The following GRM8 variants were observed in gnomAD, a reference collection of about 807,000 sequenced individuals.
GRM8 encodes the protein glutamate metabotropic receptor 8, also known as metabotropic glutamate receptor 8.
Under a neutral mutation model 87.2 loss-of-function variants are expected in GRM8, and 47 were observed. The observed-to-expected ratio is 0.54, with a 90% CI of 0.43 to 0.69. GRM8 has a LOEUF of 0.69. Ranked by LOEUF, GRM8 falls within the 30% of genes least tolerant of loss-of-function variation. The probability of loss-of-function intolerance (pLI) is 0.00; values close to 1 mark genes in which losing one functional copy is unlikely to be tolerated. For missense variants in GRM8, 1,019 were observed against 1,139.2 expected, an observed-to-expected ratio of 0.89 and a Z score of 1.52; for synonymous variants, 396 against 404.5, an observed-to-expected ratio of 0.98 and a Z score of 0.25.
intron 3 of GRM8, among the ~76,000 whole-genome samples, chr7:126,987,454 T>TG (rs1554556376): frequency 6.6e-6 from 1 of 151,748 alleles, no homozygotes; most frequent in African/African-American, 2.4e-5. Context: ...AGTTTTTTTT[T>TG]TTGTTTTTTG....
chr7:126,823,243 G>A (rs1224247019), intron 6 of GRM8, among the ~76,000 whole-genome samples: 10 of 152,154 alleles, frequency 6.6e-5, no homozygotes, highest in South Asian at 2.1e-4. Context: ...ACATATAGCC[G>A]TAGCTGTTTT....
At chr7:127,024,998 C>A (rs2299525) in intron 3 of GRM8, among the ~76,000 whole-genome samples, 1 of 151,746 alleles carries the variant, frequency 6.6e-6, no homozygotes, top group Non-Finnish European at 1.5e-5. Flanking sequence ...TCTCTGCTTA[C>A]GAGGACATAA....
chr7:127,123,320 G>A (rs769964160), intron 2 of GRM8, among the ~76,000 whole-genome samples: 5 of 152,158 alleles, frequency 3.3e-5, no homozygotes, highest in African/African-American at 7.2e-5. Context: ...TGTTGGAGGT[G>A]GGGCATAATG....
chr7:126,745,496 C>T (rs1283996523), intron 7 of GRM8, among the ~76,000 whole-genome samples: 3 of 150,742 alleles, frequency 2.0e-5, no homozygotes, highest in Admixed American at 6.6e-5. Context: ...AATATCTTCA[C>T]TTGAATATTC....
intron 2 of GRM8, among the ~76,000 whole-genome samples, chr7:127,198,287 G>A (rs1795398282): frequency 6.6e-6 from 1 of 151,966 alleles, no homozygotes; most frequent in Non-Finnish European, 1.5e-5. Flanking sequence ...TTGAATACTA[G>A]GCACAGATCA....
At chr7:127,133,830 G>C (rs1243547253) in intron 2 of GRM8, among the ~76,000 whole-genome samples, 1 of 151,556 alleles carries the variant, frequency 6.6e-6, no homozygotes, top group Admixed American at 6.6e-5. Flanking sequence ...TGACAAAGTA[G>C]TCAAAAAGTG....
At chr7:126,586,312 A>C (rs1796118258) in intron 8 of GRM8, among the ~76,000 whole-genome samples, 1 of 152,248 alleles carries the variant, frequency 6.6e-6, no homozygotes, top group African/African-American at 2.4e-5. Context: ...GACTTTCTTC[A>C]CAGAATTGGA....
chr7:126,726,496 G>T (rs1812994153), intron 7 of GRM8, among the ~76,000 whole-genome samples: 1 of 152,056 alleles, frequency 6.6e-6, no homozygotes, highest in Non-Finnish European at 1.5e-5. Flanking sequence ...CTTCTCCCAG[G>T]CAAGGTGGTC....
intron 8 of GRM8, among the ~76,000 whole-genome samples, chr7:126,569,916 T>C (rs1166853115): frequency 6.6e-6 from 1 of 152,148 alleles, no homozygotes; most frequent in Non-Finnish European, 1.5e-5. Flanking sequence ...TCCTTAAAAA[T>C]GCTTGGAGTT....
intron 3 of GRM8, among the ~76,000 whole-genome samples, chr7:126,971,523 T>C (rs1487443194): frequency 6.6e-6 from 1 of 152,158 alleles, no homozygotes; most frequent in Non-Finnish European, 1.5e-5. Context: ...ACTCCAGATT[T>C]CACAATCACT....
intron 7 of GRM8, among the ~76,000 whole-genome samples, chr7:126,648,316 T>A (rs927456339): frequency 6.6e-6 from 1 of 152,192 alleles, no homozygotes; most frequent in Non-Finnish European, 1.5e-5. Context: ...ATCTGTCTGA[T>A]TTTCATTAAA....
chr7:126,562,875 C>T (rs1361307659), intron 8 of GRM8, among the ~76,000 whole-genome samples: 2 of 152,136 alleles, frequency 1.3e-5, no homozygotes, highest in Non-Finnish European at 2.9e-5. Flanking sequence ...CCAGCCTGGG[C>T]AACAAGAGCA....
intron 3 of GRM8, chr7:127,057,979 C>A: frequency 3.9e-6 from 1 of 255,136 alleles, no homozygotes; most frequent in Non-Finnish European, 8.0e-6. Context: ...ATTTTCTAAC[C>A]TGTAATTTAT....
chr7:126,625,520 A>G (rs1800585923), intron 7 of GRM8, among the ~76,000 whole-genome samples: 1 of 133,618 alleles, frequency 7.5e-6, no homozygotes, highest in Non-Finnish European at 1.7e-5. Context: ...CAAAAAACTG[A>G]GATAACAGTA....
At chr7:127,220,214 T>C (rs1796831753) in intron 2 of GRM8, among the ~76,000 whole-genome samples, 1 of 152,166 alleles carries the variant, frequency 6.6e-6, no homozygotes, top group African/African-American at 2.4e-5. Flanking sequence ...TTATCTTTTC[T>C]CACTAGCCCC....
chr7:126,934,018 G>C (rs902493166), intron 3 of GRM8, among the ~76,000 whole-genome samples: 1 of 152,108 alleles, frequency 6.6e-6, no homozygotes, highest in African/African-American at 2.4e-5. Context: ...GTAAGACATT[G>C]TTCCTTTTGT....
At chr7:126,705,565 C>T (rs1810409922) in intron 7 of GRM8, among the ~76,000 whole-genome samples, 1 of 151,790 alleles carries the variant, frequency 6.6e-6, no homozygotes, top group Non-Finnish European at 1.5e-5. Context: ...TGTGCACAGG[C>T]CTAAACAAAT....
At chr7:127,102,158 C>T (rs565240204) in intron 3 of GRM8, among the ~76,000 whole-genome samples, 1 of 152,220 alleles carries the variant, frequency 6.6e-6, no homozygotes, top group Non-Finnish European at 1.5e-5. Flanking sequence ...GGCCTGGCTG[C>T]TTTTAATAAC....
At chr7:126,505,629 A>C (rs1810340177) in intron 9 of GRM8, among the ~76,000 whole-genome samples, 1 of 152,104 alleles carries the variant, frequency 6.6e-6, no homozygotes, top group Non-Finnish European at 1.5e-5. Context: ...TGCCCTTTCT[A>C]GATGTCTCCT....
Sources: gnomAD v4.1 joint callset for allele counts (sites outside exome capture counted in the v4.1 genomes callset) on GRCh38, gnomAD v4.1.1 for gene constraint, MANE v1.5 for transcripts, NCBI Gene and HGNC (gene_info 2026-07-23, HGNC 2026-07-21) for gene names.